The following RFC3 variants were observed in gnomAD, a reference collection of about 807,000 sequenced individuals.
The protein encoded by RFC3 is A1 38 kDa subunit.
Under a neutral mutation model 45.1 loss-of-function variants are expected in RFC3, and 41 were observed. The ratio of observed to expected loss-of-function variants is 0.91; its 90% CI spans 0.71 to 1.18. RFC3 has a LOEUF of 1.18. Ranked by LOEUF, RFC3 falls within the 50% of genes most tolerant of loss-of-function variation. The probability of loss-of-function intolerance (pLI) is 0.00; values close to 1 mark genes in which losing one functional copy is unlikely to be tolerated. For missense variants in RFC3, 423 were observed against 428.1 expected, an observed-to-expected ratio of 0.99 and a Z score of 0.10; for synonymous variants, 149 against 144.0, an observed-to-expected ratio of 1.03 and a Z score of -0.25.
exon 9 of RFC3, chr13:33,966,285 C>T (rs1205985283): frequency 3.1e-6 from 2 of 655,456 alleles, no homozygotes; most frequent in Non-Finnish European, 5.5e-6. Context: ...GAAAATCCCT[C>T]CCTGACCCAC....
At chr13:33,876,374 A>C (rs573544177) in intron 8 of RFC3, among the ~76,000 whole-genome samples, 2 of 152,234 alleles carry the variant, frequency 1.3e-5, no homozygotes, top group Non-Finnish European at 2.9e-5. Flanking sequence ...TATTTTTCAA[A>C]GTTTTTGTTG....
chr13:33,843,205 GT>G (rs60617562), intron 8 of RFC3, among the ~76,000 whole-genome samples: 16 of 148,414 alleles, frequency 1.1e-4, no homozygotes, highest in African/African-American at 3.2e-4. Flanking sequence ...ATTTGCTCCT[GT>G]TTTTTTTTTT....
chr13:33,838,306 C>A (rs548669466), downstream of RFC3, among the ~76,000 whole-genome samples: 1 of 152,228 alleles, frequency 6.6e-6, no homozygotes, highest in East Asian at 1.9e-4. Context: ...TATGTAGACA[C>A]TCCAGCTTTC....
chr13:33,943,546 C>T (rs2082937154), intron 8 of RFC3, among the ~76,000 whole-genome samples: 1 of 152,126 alleles, frequency 6.6e-6, no homozygotes, highest in African/African-American at 2.4e-5. Context: ...CTAATTACCA[C>T]GATTTGATCA....
chr13:33,970,117 G>T (rs1453648084), downstream of RFC3, among the ~76,000 whole-genome samples: 1 of 152,026 alleles, frequency 6.6e-6, no homozygotes, highest in Non-Finnish European at 1.5e-5. Flanking sequence ...ACCCCAGTGT[G>T]TGTTGTTCCC....
At chr13:33,854,954 AT>A (rs1239240863) in intron 8 of RFC3, among the ~76,000 whole-genome samples, 1 of 81,834 alleles carries the variant, frequency 1.2e-5, no homozygotes, top group African/African-American at 3.2e-5. Context: ...AGTCATCCTG[AT>A]TTCCCCATAA....
intron 8 of RFC3, among the ~76,000 whole-genome samples, chr13:33,899,407 A>C (rs2082624928): frequency 6.6e-6 from 1 of 151,850 alleles, no homozygotes; most frequent in African/African-American, 2.4e-5. Context: ...GTGATACATC[A>C]TATCAACAGA....
At chr13:33,934,862 C>T (rs748252904) in intron 8 of RFC3, among the ~76,000 whole-genome samples, 3 of 152,142 alleles carry the variant, frequency 2.0e-5, no homozygotes, top group Non-Finnish European at 4.4e-5. Context: ...TTGACTGCAG[C>T]CCAAGCCCCA....
chr13:33,871,179 G>A (rs914993469), intron 8 of RFC3, among the ~76,000 whole-genome samples: 7 of 152,110 alleles, frequency 4.6e-5, no homozygotes, highest in African/African-American at 9.7e-5. Context: ...ACACAGCTTC[G>A]TACTTGTATT....
At chr13:33,956,729 T>A (rs9315275) in intron 8 of RFC3, among the ~76,000 whole-genome samples, 65,282 of 152,004 alleles carry the variant, frequency 0.43, 15,319 homozygotes, top group East Asian at 0.78. Flanking sequence ...AGTGAGGCTG[T>A]TTTTGATTGT....
At chr13:33,959,460 T>C (rs2083042506) in intron 8 of RFC3, among the ~76,000 whole-genome samples, 1 of 152,130 alleles carries the variant, frequency 6.6e-6, no homozygotes. Flanking sequence ...TTCCTCTTGA[T>C]TCCCTTGCCA....
At chr13:33,863,762 T>C (rs1362901103) in intron 8 of RFC3, among the ~76,000 whole-genome samples, 1 of 152,222 alleles carries the variant, frequency 6.6e-6, no homozygotes, top group Non-Finnish European at 1.5e-5. Flanking sequence ...ATAAGTACTC[T>C]ATGCTTTTTG....
At chr13:33,876,468 CAG>C (rs1361338315) in intron 8 of RFC3, among the ~76,000 whole-genome samples, 4 of 152,202 alleles carry the variant, frequency 2.6e-5, no homozygotes, top group African/African-American at 9.7e-5. Context: ...AACTTTAACT[CAG>C]TGAGAGTATT....
At chr13:33,865,486 C>T (rs201126158) in intron 8 of RFC3, among the ~76,000 whole-genome samples, 1 of 123,432 alleles carries the variant, frequency 8.1e-6, no homozygotes, top group Non-Finnish European at 1.9e-5. Flanking sequence ...AAAAGAGTAA[C>T]AGGACTTTGC....
rs760418331 is a variant in RFC3 at position 33,831,352 on chromosome 13, A to G, written c.807A>G (p.Gln269=). The G allele has an allele frequency of 9.1e-6, 14 of 1,542,974 alleles. No homozygotes were observed. Among genetic ancestry groups the G allele is most frequent in the Non-Finnish European group, 1.3e-5 (14 of 1,115,414 alleles). ...ANAIVSQQTP[Q]RLLEVRGRLY... ...CTATTGTCAGTCAGCAAACTCCACA[A>G]AGGTACCAGTATAAAATGATGACAG... Residue 269 remains glutamine (Q), a splice_region_variant and synonymous_variant, in exon 7 of 9, where the codon CAA becomes CAG. Coordinates refer to ENST00000380071, the MANE Select transcript of RFC3 (RefSeq NM_002915.4).
At chr13:33,953,660 G>A (rs771994370) in intron 8 of RFC3, among the ~76,000 whole-genome samples, 3 of 152,008 alleles carry the variant, frequency 2.0e-5, no homozygotes, top group East Asian at 1.9e-4. Flanking sequence ...CTAGAATTCC[G>A]AGAATCAAAG....
intron 2 of RFC3, among the ~76,000 whole-genome samples, chr13:33,823,237 A>G (rs773496387): frequency 6.6e-6 from 1 of 152,192 alleles, no homozygotes; most frequent in Non-Finnish European, 1.5e-5. Context: ...ATACACACAT[A>G]CACACACATG....
intron 8 of RFC3, chr13:33,850,727 T>C (rs1045770234): frequency 6.6e-6 from 1 of 152,204 alleles, no homozygotes; most frequent in Non-Finnish European, 1.5e-5. Flanking sequence ...ACTCATTTTA[T>C]GCTGTTTTTA....
intron 8 of RFC3, among the ~76,000 whole-genome samples, chr13:33,843,205 G>GTTT (rs60617562): frequency 1.1e-4 from 16 of 148,406 alleles, no homozygotes; most frequent in South Asian, 4.2e-4. Context: ...ATTTGCTCCT[G>GTTT]TTTTTTTTTT....
Sources: gnomAD v4.1 joint callset for allele counts (sites outside exome capture counted in the v4.1 genomes callset) on GRCh38, gnomAD v4.1.1 for gene constraint, MANE v1.5 for transcripts, NCBI Gene and HGNC (gene_info 2026-07-23, HGNC 2026-07-21) for gene names.